The following HCN1 variants were observed in gnomAD, a reference collection of about 807,000 sequenced individuals.
HCN1 encodes the protein potassium/sodium hyperpolarization-activated cyclic nucleotide-gated channel 1.
In HCN1, 13 loss-of-function variants were observed where a neutral mutation model predicts 78.9. The ratio of observed to expected loss-of-function variants is 0.16; its 90% confidence interval spans 0.11 to 0.26. The LOEUF is 0.26. Ranked by LOEUF, HCN1 falls within the 10% of genes least tolerant of loss-of-function variation. HCN1 has a pLI of 1.00. For missense variants in HCN1, 810 were observed against 1,154.3 expected (o/e 0.70, Z 4.32); for synonymous variants, 552 against 455.5 (o/e 1.21, Z -2.70).
intron 6 of HCN1, among the ~76,000 whole-genome samples, chr5:45,269,532 G>A (rs1390240459): frequency 6.6e-6 from 1 of 152,060 alleles, no homozygotes; most frequent in Non-Finnish European, 1.5e-5. Flanking sequence ...TGGTAATGTT[G>A]CAGAATTTGT....
intron 2 of HCN1, among the ~76,000 whole-genome samples, chr5:45,506,246 T>C (rs765734299): frequency 5.3e-5 from 8 of 152,288 alleles, no homozygotes; most frequent in Non-Finnish European, 1.2e-4. Flanking sequence ...GGTATTGTCA[T>C]GCTTCAAGTG....
intron 2 of HCN1, among the ~76,000 whole-genome samples, chr5:45,585,484 T>C (rs992957719): frequency 6.6e-6 from 1 of 152,206 alleles, no homozygotes. Flanking sequence ...CTTCCTCCTT[T>C]AGCTCAGAGT....
At chr5:45,371,132 A>G (rs1747347448) in intron 4 of HCN1, among the ~76,000 whole-genome samples, 1 of 152,052 alleles carries the variant, frequency 6.6e-6, no homozygotes, top group African/African-American at 2.4e-5. Flanking sequence ...TAAGGCAGCG[A>G]TAAGAGGGAA....
At chr5:45,373,002 AATT>A (rs934366591) in intron 4 of HCN1, among the ~76,000 whole-genome samples, 2 of 139,010 alleles carry the variant, frequency 1.4e-5, no homozygotes, top group African/African-American at 2.6e-5. Context: ...ATAAAAATAA[AATT>A]ATATAAAATA....
intron 3 of HCN1, among the ~76,000 whole-genome samples, chr5:45,415,276 G>A (rs1460046418): frequency 6.6e-6 from 1 of 151,826 alleles, no homozygotes; most frequent in Non-Finnish European, 1.5e-5. Context: ...TGCCATCTCA[G>A]TTTAACTCCC....
At position 45,260,842 on chromosome 5, in the gene HCN1, A is replaced by G. The variant is rs902763127; in HGVS notation, c.*1079T>C. ...TTAATGAATTGTTATGCTTTTCTAG[A>G]AACGAGAAATACTGTAAGCCTTTCT... On this transcript the variant is annotated 3_prime_UTR_variant, in exon 8 of 8. Transcript: ENST00000303230. 1.1e-4 allele frequency: 17 copies of G among 152,744 alleles called. No individual in the cohort carries two copies. The highest frequency in any genetic ancestry group is 3.1e-4 in the African/African-American group (13 of 41,572). 9.5% of individuals were successfully genotyped at this position (152,744 alleles called of 1,614,324 possible).
chr5:45,550,138 C>T (rs1579963654), intron 2 of HCN1, among the ~76,000 whole-genome samples: 2 of 151,996 alleles, frequency 1.3e-5, no homozygotes, highest in Admixed American at 6.6e-5. Context: ...CCCAGCCATC[C>T]CATTACTGGT....
chr5:45,619,156 G>T (rs1431985160), intron 2 of HCN1, among the ~76,000 whole-genome samples: 1 of 152,018 alleles, frequency 6.6e-6, no homozygotes, highest in Non-Finnish European at 1.5e-5. Flanking sequence ...ATGAGAAGAA[G>T]TAGAAACCAA....
intron 3 of HCN1, among the ~76,000 whole-genome samples, chr5:45,415,329 T>C (rs1245304479): frequency 6.6e-6 from 1 of 152,052 alleles, no homozygotes; most frequent in Non-Finnish European, 1.5e-5. Flanking sequence ...CGTCAAATCA[T>C]GCCACTCCCA....
intron 1 of HCN1, among the ~76,000 whole-genome samples, chr5:45,670,701 G>C (rs1044701475): frequency 7.9e-5 from 12 of 151,578 alleles, no homozygotes; most frequent in African/African-American, 2.7e-4. Flanking sequence ...TTTAGGATCT[G>C]TCTACTGGGA....
At chr5:45,593,250 G>A (rs1218756252) in intron 2 of HCN1, among the ~76,000 whole-genome samples, 1 of 133,712 alleles carries the variant, frequency 7.5e-6, no homozygotes, top group Non-Finnish European at 1.6e-5. Context: ...ACACAAACAC[G>A]CACACTAGCA....
At chr5:45,641,309 A>G (rs1191560023) in intron 2 of HCN1, among the ~76,000 whole-genome samples, 1 of 152,222 alleles carries the variant, frequency 6.6e-6, no homozygotes, top group East Asian at 1.9e-4. Context: ...CCTATGGAAT[A>G]AATTTCCTTA....
At chr5:45,371,843 T>G (rs1463029772) in intron 4 of HCN1, among the ~76,000 whole-genome samples, 1 of 128,078 alleles carries the variant, frequency 7.8e-6, no homozygotes, top group Non-Finnish European at 1.6e-5. Context: ...ATATTATATA[T>G]AAAATATATA....
rs182522474 is a variant in HCN1, at chr5:45,596,033, C to A, written c.849+49152G>T. On this transcript the variant is annotated intron_variant, in intron 2 of 7. Coordinates refer to ENST00000303230, the MANE Select transcript of HCN1 (RefSeq NM_021072.4). ...GCCTCAGCCTCCCGAGTAGCTGGGA[C>A]TACAGGGGACCACAACCACACCCGG... Among the ~76,000 whole-genome samples, 242 of 151,898 alleles carry A rather than the reference C, an allele frequency of 1.6e-3. 1 individual carries two copies. The highest frequency in any genetic ancestry group is 5.7e-3 in the African/African-American group (236 of 41,430).
At position 45,288,197 on chromosome 5, in the gene HCN1, G is replaced by A. The variant is rs185243220; in HGVS notation, c.1618+15402C>T. The stretch of plus-strand genomic sequence containing the variant: ...ATTTCTACTTTATTTCACTATCCAC[G>A]AAAAAAAGTGGCAGTTATTTTTTAA... On this transcript the variant is annotated intron_variant, in intron 6 of 7. Transcript: ENST00000303230. Among the ~76,000 whole-genome samples the A allele has an allele frequency of 9.5e-4, 144 of 151,812 alleles. 1 individual carries two copies. In the East Asian group the frequency reaches 0.024, roughly 25 times the overall value.
chr5:45,321,627 A>G (rs1353691816), intron 5 of HCN1, among the ~76,000 whole-genome samples: 1 of 149,728 alleles, frequency 6.7e-6, no homozygotes, highest in Non-Finnish European at 1.5e-5. Context: ...ACTAATACCT[A>G]TTTTTTTTGC....
intron 1 of HCN1, among the ~76,000 whole-genome samples, chr5:45,686,701 A>G (rs1327669512): frequency 6.6e-6 from 1 of 152,206 alleles, no homozygotes; most frequent in Non-Finnish European, 1.5e-5. Flanking sequence ...AAAGTCATCA[A>G]TATATTGTTC....
At chr5:45,589,596 G>C (rs1293732640) in intron 2 of HCN1, among the ~76,000 whole-genome samples, 1 of 152,154 alleles carries the variant, frequency 6.6e-6, no homozygotes, top group East Asian at 1.9e-4. Flanking sequence ...AGAATGAATA[G>C]GAGATGGCAG....
intron 4 of HCN1, among the ~76,000 whole-genome samples, chr5:45,375,881 CTTATA>C (rs1199075876): frequency 1.7e-5 from 2 of 116,470 alleles, no homozygotes; most frequent in East Asian, 4.9e-4. Flanking sequence ...TATATTTTAT[CTTATA>C]TATTATATAT....
Sources: allele counts gnomAD v4.1 joint callset (sites outside exome capture counted in the v4.1 genomes callset), GRCh38; gene constraint gnomAD v4.1.1; transcripts MANE v1.5; gene names NCBI Gene and HGNC (gene_info 2026-07-23, HGNC 2026-07-21).